Variants in PIK3R1 observed in about 807,000 individuals in gnomAD.
PIK3R1 encodes the protein phosphoinositide-3-kinase regulatory subunit 1, also known as phosphatidylinositol 3-kinase regulatory subunit alpha.
A neutral mutation model predicts 98.0 loss-of-function variants in PIK3R1; 29 were observed. The ratio of observed to expected loss-of-function variants is 0.30; its 90% CI spans 0.22 to 0.40. The LOEUF is 0.40. Ranked by LOEUF, PIK3R1 falls within the 10% of genes least tolerant of loss-of-function variation. The pLI is 1.00. For synonymous variants in PIK3R1, 282 were observed against 311.8 expected (o/e 0.90, Z 1.01); for missense variants, 596 against 872.7 (o/e 0.68, Z 3.99).
chr5:68,286,226 A>C (rs1300135261), intron 7 of PIK3R1, among the ~76,000 whole-genome samples: 2 of 152,226 alleles, frequency 1.3e-5, no homozygotes, highest in Non-Finnish European at 2.9e-5. Context: ...AGAATGATAC[A>C]TATTGTTTTA....
At chr5:68,258,054 A>G (rs992291723) in intron 2 of PIK3R1, among the ~76,000 whole-genome samples, 3 of 152,166 alleles carry the variant, frequency 2.0e-5, no homozygotes, top group Non-Finnish European at 4.4e-5. Flanking sequence ...ATTTTTTCTT[A>G]GAAGAGTCAA....
chr5:68,280,206 A>T (rs982651937), intron 5 of PIK3R1: 14 of 385,502 alleles, frequency 3.6e-5, no homozygotes, highest in African/African-American at 2.5e-4. Flanking sequence ...AAAACCTGTG[A>T]TACTTATCTG....
Position 68,299,366 on chromosome 5 carries a change from A to G in PIK3R1, c.*1765A>G, listed in dbSNP as rs560836558. On this transcript the variant is annotated 3_prime_UTR_variant, in exon 16 of 16. Coordinates refer to ENST00000521381, the MANE Select transcript of PIK3R1 (RefSeq NM_181523.3). ...GGACTGTGTGGAGCTCGCTAAAGTCATGGTCATTGCAGGAATCCAAGTGGC... is the reference window on the plus strand; with the variant it reads ...GGACTGTGTGGAGCTCGCTAAAGTCGTGGTCATTGCAGGAATCCAAGTGGC... 4 of 231,454 alleles carry G rather than the reference A, an allele frequency of 1.7e-5. No homozygotes were observed. The South Asian group carries it at 7.4e-4, about 43-fold the overall frequency. 14.3% of individuals were successfully genotyped at this position (231,454 alleles called of 1,614,324 possible). A position where few individuals can be genotyped will look rare whatever the true frequency, so the allele number is the denominator to read the frequency against.
At position 68,255,832 on chromosome 5, in the gene PIK3R1, A is replaced by T. The variant is rs538472407; in HGVS notation, c.335-17558A>T. On this transcript the variant is annotated intron_variant, in intron 2 of 15. Coordinates refer to ENST00000521381, the MANE Select transcript of PIK3R1 (RefSeq NM_181523.3). ...TTTGGAAAATTACAAATTCCCAAAA[A>T]GTGGTGATTATTTGGGGCTTTGGGT... Among the ~76,000 whole-genome samples the T allele has an allele frequency of 2.2e-4, 33 of 152,312 alleles. No individual in the cohort carries two copies. The South Asian group carries it at 6.2e-3, about 29-fold the overall frequency.
At position 68,280,428 on chromosome 5, in the gene PIK3R1, T is replaced by C. The variant is rs1224650722; in HGVS notation, c.635-100T>C. The C allele has an allele frequency of 8.6e-6, 7 of 811,282 alleles. No homozygotes were observed. The East Asian group carries it at 1.2e-4, about 14-fold the overall frequency. The allele number at this position is 811,282 out of a possible 1,614,324, so 50.3% of individuals were successfully genotyped here. On this transcript the variant is annotated intron_variant, in intron 5 of 15. Transcript: ENST00000521381. ...CCAACAACTTTTTAAATGACTCCTA[T>C]AGCTTGAAGAAAGAGCAGAACTTTT...
At chr5:68,272,154 G>T (rs561963653) in intron 2 of PIK3R1, among the ~76,000 whole-genome samples, 3 of 150,962 alleles carry the variant, frequency 2.0e-5, no homozygotes, top group Middle Eastern at 3.4e-3. Flanking sequence ...TCAGGAGGCT[G>T]GGGGGGGAGG....
chr5:68,276,588 C>T (rs767441573), intron 4 of PIK3R1, among the ~76,000 whole-genome samples: 6 of 152,140 alleles, frequency 3.9e-5, no homozygotes, highest in Non-Finnish European at 7.4e-5. Flanking sequence ...CAAAAGTCAT[C>T]GCATGACAGG....
intron 2 of PIK3R1, among the ~76,000 whole-genome samples, chr5:68,227,810 T>C (rs1744336688): frequency 6.6e-6 from 1 of 152,216 alleles, no homozygotes; most frequent in Non-Finnish European, 1.5e-5. Flanking sequence ...ATAGTCTGGT[T>C]CGCCTTCATG....
In PIK3R1 at chr5:68,280,705, T is replaced by G; in HGVS notation, c.812T>G (p.Met271Arg). 1 of 1,614,118 alleles carries G rather than the reference T, an allele frequency of 6.2e-7. No individual in the cohort carries two copies. Among genetic ancestry groups the G allele is most frequent in the Non-Finnish European group, 8.5e-7 (1 of 1,179,986 alleles). The change falls in exon 6 of 16, where the codon ATG (methionine) becomes AGG (arginine). Residue 271 changes from methionine (M) to arginine (R), a missense_variant. Coordinates refer to ENST00000521381, the MANE Select transcript of PIK3R1 (RefSeq NM_181523.3). ...GTACTCTCTGAAATTTTCAGCCCTA[T>G]GCTTTTCAGATTCTCAGCAGCCAGG... is the stretch of plus-strand genomic sequence containing the variant. Reference protein sequence around the residue: ...ARVLSEIFSPMLFRFSAASSD... With the variant: ...ARVLSEIFSPRLFRFSAASSD...
At position 68,279,517 on chromosome 5, in the gene PIK3R1, T is replaced by C. The variant is rs944472849; in HGVS notation, c.503-85T>C. 6.8e-6 allele frequency: 7 copies of C among 1,024,178 alleles called. No homozygotes were observed. In the African/African-American group the frequency reaches 8.2e-5, roughly 12 times the overall value. 63.4% of individuals were successfully genotyped at this position (1,024,178 alleles called of 1,614,324 possible). A position where few individuals can be genotyped will look rare whatever the true frequency, so the allele number is the denominator to read the frequency against. On this transcript the variant is annotated intron_variant, in intron 4 of 15. Transcript: ENST00000521381. ...CTTATTTTTTTTTTTTTTTGTCACA[T>C]GTGAGTCAAATTGTTCAGAAAATTA...
intron 7 of PIK3R1, among the ~76,000 whole-genome samples, chr5:68,286,316 A>T (rs1561292382): frequency 6.6e-6 from 1 of 152,230 alleles, no homozygotes; most frequent in Non-Finnish European, 1.5e-5. Flanking sequence ...TTAAAATAAA[A>T]GTTTTCCTAC....
chr5:68,244,126 G>A (rs1744975010), intron 2 of PIK3R1, among the ~76,000 whole-genome samples: 2 of 152,156 alleles, frequency 1.3e-5, no homozygotes, highest in African/African-American at 4.8e-5. Context: ...CATCCTTGGT[G>A]ACTTTTTATT....
At chr5:68,225,652 T>G (rs774061773) in intron 1 of PIK3R1, among the ~76,000 whole-genome samples, 6 of 152,220 alleles carry the variant, frequency 3.9e-5, no homozygotes, top group Non-Finnish European at 7.4e-5. Flanking sequence ...TCTCGCACAC[T>G]GTGGTTAGAT....
intron 7 of PIK3R1, among the ~76,000 whole-genome samples, chr5:68,284,552 C>A (rs1239125246): frequency 6.6e-6 from 1 of 152,212 alleles, no homozygotes; most frequent in African/African-American, 2.4e-5. Flanking sequence ...GCAGTGCCAT[C>A]CACTTTATCT....
At chr5:68,218,178 C>T (rs1011376086) in intron 1 of PIK3R1, among the ~76,000 whole-genome samples, 5 of 152,102 alleles carry the variant, frequency 3.3e-5, no homozygotes, top group African/African-American at 1.2e-4. Context: ...AGAAGTGGAA[C>T]AATAAGTTAT....
At chr5:68,293,549 A>G (rs1025614840) in intron 10 of PIK3R1, 66 bp downstream of exon 10, 1 of 1,356,504 alleles carries the variant, frequency 7.4e-7, no homozygotes, top group African/African-American at 1.5e-5. Context: ...TACTTAGAAA[A>G]CATTTGAAGC....
intron 2 of PIK3R1, among the ~76,000 whole-genome samples, chr5:68,266,165 C>T (rs1413262733): frequency 3.3e-5 from 5 of 152,246 alleles, no homozygotes; most frequent in Non-Finnish European, 7.3e-5. Flanking sequence ...ATCCCCCTGC[C>T]CTCTCCTAAT....
At chr5:68,290,857 G>C in intron 7 of PIK3R1, 1 of 1,503,934 alleles carries the variant, frequency 6.6e-7, no homozygotes, top group East Asian at 2.3e-5. Flanking sequence ...TATTATTGTA[G>C]AGAGTTAGTT....
chr5:68,281,497 C>T (rs557143557), intron 7 of PIK3R1, among the ~76,000 whole-genome samples: 1 of 152,282 alleles, frequency 6.6e-6, no homozygotes, highest in Non-Finnish European at 1.5e-5. Flanking sequence ...TCGAGCAAGC[C>T]AGACACTTCT....
Sources: allele counts gnomAD v4.1 joint callset (sites outside exome capture counted in the v4.1 genomes callset), GRCh38; gene constraint gnomAD v4.1.1; transcripts MANE v1.5; gene names NCBI Gene and HGNC (gene_info 2026-07-23, HGNC 2026-07-21).